SRD5A2: variants seen among roughly 807,000 people sequenced by gnomAD.
The protein encoded by SRD5A2 is steroid 5 alpha-reductase 2.
Under a neutral mutation model 27.4 loss-of-function variants are expected in SRD5A2, and 30 were observed. That is an observed-to-expected ratio of 1.10 (90% CI 0.82 to 1.49). SRD5A2 has a LOEUF of 1.49. Among genes scored for constraint, SRD5A2 ranks in the 40% most tolerant of loss-of-function variants. SRD5A2 has a pLI of 0.00. For synonymous variants in SRD5A2, 141 were observed against 133.6 expected (o/e 1.06, Z -0.38); for missense variants, 348 against 323.4 (o/e 1.08, Z -0.58).
the SRD5A2 span, among the ~76,000 whole-genome samples, chr2:31,634,466 T>C: frequency 6.6e-6 from 1 of 152,040 alleles, no homozygotes; most frequent in Admixed American, 6.6e-5. Flanking sequence ...TGGTCAAGAA[T>C]TTTGAAGAAA....
chr2:31,547,353 A>G (rs1558363605), intron 1 of SRD5A2, among the ~76,000 whole-genome samples: 1 of 152,146 alleles, frequency 6.6e-6, no homozygotes, highest in Non-Finnish European at 1.5e-5. Context: ...AGGGAAACCC[A>G]AGTGATTTAG....
chr2:31,632,791 G>A, the SRD5A2 span, among the ~76,000 whole-genome samples: 1 of 152,114 alleles, frequency 6.6e-6, no homozygotes, highest in African/African-American at 2.4e-5. Context: ...CTCTGTTAGG[G>A]AGAGACATCC....
intron 1 of SRD5A2, among the ~76,000 whole-genome samples, chr2:31,567,972 A>T (rs1666770476): frequency 6.6e-6 from 1 of 152,150 alleles, no homozygotes; most frequent in Non-Finnish European, 1.5e-5. Flanking sequence ...GGGTCCAGCC[A>T]CTGTGCACAG....
intron 1 of SRD5A2, among the ~76,000 whole-genome samples, chr2:31,559,859 C>T (rs967037003): frequency 6.6e-6 from 1 of 151,724 alleles, no homozygotes; most frequent in South Asian, 2.1e-4. Flanking sequence ...CACACACACA[C>T]ACACACACAC....
chr2:31,615,882 G>T, the SRD5A2 span, among the ~76,000 whole-genome samples: 2 of 152,204 alleles, frequency 1.3e-5, no homozygotes, highest in African/African-American at 4.8e-5. Context: ...GGGACTTGGT[G>T]TCCTGCATCC....
At chr2:31,553,761 A>T (rs1666430205) in intron 1 of SRD5A2, among the ~76,000 whole-genome samples, 1 of 152,152 alleles carries the variant, frequency 6.6e-6, no homozygotes, top group Admixed American at 6.5e-5. Flanking sequence ...CAATATATAA[A>T]TATTAGCTGT....
chr2:31,556,318 A>T (rs1666494040), intron 1 of SRD5A2, among the ~76,000 whole-genome samples: 1 of 152,206 alleles, frequency 6.6e-6, no homozygotes, highest in Non-Finnish European at 1.5e-5. Flanking sequence ...ACTTTTTATT[A>T]TGCCATCTTG....
At chr2:31,629,585 G>A in the SRD5A2 span, among the ~76,000 whole-genome samples, 1 of 152,110 alleles carries the variant, frequency 6.6e-6, no homozygotes, top group African/African-American at 2.4e-5. Flanking sequence ...ACCCTTCTGG[G>A]TTGGGAGTGT....
upstream of SRD5A2, among the ~76,000 whole-genome samples, chr2:31,583,111 T>G (rs1667108903): frequency 6.6e-6 from 1 of 152,354 alleles, no homozygotes; most frequent in East Asian, 1.9e-4. Flanking sequence ...GGGCTTGACT[T>G]ATCTTAACAA....
upstream of SRD5A2, among the ~76,000 whole-genome samples, chr2:31,581,420 C>G (rs1465359383): frequency 6.6e-6 from 1 of 152,156 alleles, no homozygotes; most frequent in Non-Finnish European, 1.5e-5. Context: ...TAGGACCTTC[C>G]TTGGACCCTG....
At chr2:31,633,868 G>A in the SRD5A2 span, among the ~76,000 whole-genome samples, 1 of 152,148 alleles carries the variant, frequency 6.6e-6, no homozygotes, top group Non-Finnish European at 1.5e-5. Context: ...GACCAATCAG[G>A]TAGTAAAGAG....
At chr2:31,565,509 T>A (rs1391528330) in intron 1 of SRD5A2, among the ~76,000 whole-genome samples, 1 of 151,892 alleles carries the variant, frequency 6.6e-6, no homozygotes, top group Non-Finnish European at 1.5e-5. Flanking sequence ...GGAATAAACA[T>A]GGTAGATACA....
At chr2:31,646,525 C>T in the SRD5A2 span, among the ~76,000 whole-genome samples, 1 of 152,108 alleles carries the variant, frequency 6.6e-6, no homozygotes, top group African/African-American at 2.4e-5. Context: ...GAGAGGCAAA[C>T]ACCCCTTTGG....
the SRD5A2 span, among the ~76,000 whole-genome samples, chr2:31,602,999 G>A: frequency 1.3e-5 from 2 of 151,984 alleles, no homozygotes; most frequent in Non-Finnish European, 2.9e-5. Flanking sequence ...TCAGGACATA[G>A]GTATGGGCAA....
chr2:31,525,331 A>G lies in SRD5A2; in HGVS notation c.*865T>C, dbSNP rs1216813062. ...TTCTCTTTGTTTTACACTACTCATT[A>G]TTTGGATATTGCCACTAGTTTCCAA... On this transcript the variant is annotated 3_prime_UTR_variant, in exon 5 of 5. Coordinates refer to ENST00000622030, the MANE Select transcript of SRD5A2 (RefSeq NM_000348.4). The G allele has an allele frequency of 4.4e-6, 1 of 225,738 alleles. No homozygotes were observed. Among genetic ancestry groups the G allele is most frequent in the African/African-American group, 2.2e-5 (1 of 44,952 alleles). 14.0% of individuals were successfully genotyped at this position (225,738 alleles called of 1,614,324 possible).
chr2:31,635,887 G>A, the SRD5A2 span, among the ~76,000 whole-genome samples: 2 of 152,086 alleles, frequency 1.3e-5, no homozygotes, highest in African/African-American at 4.8e-5. Context: ...TCTGGATACT[G>A]TATTCTGTTC....
the SRD5A2 span, among the ~76,000 whole-genome samples, chr2:31,600,994 T>C: frequency 2.0e-5 from 3 of 151,214 alleles, no homozygotes; most frequent in Non-Finnish European, 4.4e-5. Flanking sequence ...TTGATAAAAC[T>C]CAATATCACA....
chr2:31,601,961 G>A, the SRD5A2 span, among the ~76,000 whole-genome samples: 32 of 151,950 alleles, frequency 2.1e-4, no homozygotes, highest in Admixed American at 1.4e-3. Context: ...ATACTGAATC[G>A]GCAAAAGCTG....
intron 1 of SRD5A2, among the ~76,000 whole-genome samples, chr2:31,579,244 G>T (rs116821600): frequency 6.6e-6 from 1 of 152,294 alleles, no homozygotes; most frequent in African/African-American, 2.4e-5. Flanking sequence ...ATTAAATCTT[G>T]ACCAATAAAG....
Sources: gnomAD v4.1 joint callset for allele counts (sites outside exome capture counted in the v4.1 genomes callset) on GRCh38, gnomAD v4.1.1 for gene constraint, MANE v1.5 for transcripts, NCBI Gene and HGNC (gene_info 2026-07-23, HGNC 2026-07-21) for gene names.